The following SYTL2 variants were observed in gnomAD, a reference collection of about 807,000 sequenced individuals.
SYTL2 encodes the protein synaptotagmin-like protein 2.
Under a neutral mutation model 198.7 loss-of-function variants are expected in SYTL2, and 165 were observed. The observed-to-expected ratio is 0.83, with a 90% confidence interval of 0.73 to 0.94. The LOEUF (loss-of-function observed/expected upper bound fraction) is 0.94, where lower values mean the gene tolerates loss of function less well. Ranked by LOEUF, SYTL2 falls within the 40% of genes least tolerant of loss-of-function variation. The probability of loss-of-function intolerance (pLI) is 0.00; values close to 1 mark genes in which losing one functional copy is unlikely to be tolerated. For missense variants in SYTL2, 2,835 were observed against 2,582.8 expected (o/e 1.10, Z -2.12); for synonymous variants, 966 against 917.7 (o/e 1.05, Z -0.95).
At chr11:85,746,661 C>T (rs530583119) in intron 3 of SYTL2, among the ~76,000 whole-genome samples, 3 of 152,164 alleles carry the variant, frequency 2.0e-5, no homozygotes, top group Non-Finnish European at 2.9e-5. Flanking sequence ...AGTATCCCCC[C>T]ACAGGTCCTG....
chr11:85,755,843 A>G (rs538000136), intron 2 of SYTL2, among the ~76,000 whole-genome samples: 1 of 152,252 alleles, frequency 6.6e-6, no homozygotes, highest in East Asian at 1.9e-4. Flanking sequence ...ATTGCAGACC[A>G]TAAATAACAC....
At chr11:85,697,106 CT>C (rs1211859084) in intron 18 of SYTL2, among the ~76,000 whole-genome samples, 1 of 152,040 alleles carries the variant, frequency 6.6e-6, no homozygotes, top group African/African-American at 2.4e-5. Context: ...ATGAGGCTGA[CT>C]TGAGCCAAAA....
At chr11:85,749,730 G>GCTT (rs1435784041) in intron 2 of SYTL2, among the ~76,000 whole-genome samples, 1 of 152,190 alleles carries the variant, frequency 6.6e-6, no homozygotes, top group African/African-American at 2.4e-5. Flanking sequence ...GTTTGACACT[G>GCTT]CTTTCAACAC....
At chr11:85,781,943 G>A (rs2153602530) in intron 1 of SYTL2, among the ~76,000 whole-genome samples, 1 of 152,336 alleles carries the variant, frequency 6.6e-6, no homozygotes, top group Non-Finnish European at 1.5e-5. Context: ...GCAAGTGTTG[G>A]TGGATCTACC....
At chr11:85,811,670 C>G (rs2093035959), upstream of SYTL2, among the ~76,000 whole-genome samples, 1 of 152,102 alleles carries the variant, frequency 6.6e-6, no homozygotes, top group African/African-American at 2.4e-5. Context: ...TGAAGTGATG[C>G]TTTAAAATAC....
At chr11:85,815,275 C>A (rs1363997682), upstream of SYTL2, among the ~76,000 whole-genome samples, 1 of 152,110 alleles carries the variant, frequency 6.6e-6, no homozygotes, top group East Asian at 1.9e-4. Context: ...ACTTCTTAAC[C>A]ACCAGAAATT....
At chr11:85,844,885 T>A in the SYTL2 span, among the ~76,000 whole-genome samples, 2 of 152,288 alleles carry the variant, frequency 1.3e-5, no homozygotes, top group South Asian at 4.1e-4. Context: ...CCCGCCATGA[T>A]TTGTCCCTAC....
At chr11:85,754,940 A>T (rs192538095) in intron 2 of SYTL2, among the ~76,000 whole-genome samples, 1 of 152,310 alleles carries the variant, frequency 6.6e-6, no homozygotes, top group East Asian at 1.9e-4. Flanking sequence ...TTTGGCACTG[A>T]CTTAATGTGT....
chr11:85,749,789 T>C (rs2091401432), intron 2 of SYTL2, among the ~76,000 whole-genome samples: 1 of 152,232 alleles, frequency 6.6e-6, no homozygotes, highest in Non-Finnish European at 1.5e-5. Context: ...AACCTTTGCC[T>C]TCTCCTCCCA....
intron 5 of SYTL2, 49 bp downstream of exon 5, chr11:85,737,526 A>G (rs369142253): frequency 1.4e-6 from 2 of 1,448,282 alleles, no homozygotes; most frequent in Non-Finnish European, 1.9e-6. Context: ...ATGAGGAAAA[A>G]TGGCATTCCT....
intron 13 of SYTL2, among the ~76,000 whole-genome samples, chr11:85,710,535 C>T (rs79792948): frequency 0.017 from 2,574 of 152,308 alleles, 91 homozygotes; most frequent in African/African-American, 0.059. Flanking sequence ...TTTTTACATA[C>T]ATACTACATG....
At chr11:85,784,176 CA>C (rs1195645571) in intron 1 of SYTL2, among the ~76,000 whole-genome samples, 1 of 152,162 alleles carries the variant, frequency 6.6e-6, no homozygotes, top group East Asian at 1.9e-4. Context: ...GAGACCCTGA[CA>C]GAGGAGAAAA....
At chr11:85,742,973 T>A (rs1347830289) in intron 4 of SYTL2, among the ~76,000 whole-genome samples, 1 of 152,224 alleles carries the variant, frequency 6.6e-6, no homozygotes, top group African/African-American at 2.4e-5. Context: ...CAGCTGCCAA[T>A]GCTTGACTAC....
chr11:85,762,259 C>A (rs2092115793), intron 1 of SYTL2, among the ~76,000 whole-genome samples: 1 of 152,176 alleles, frequency 6.6e-6, no homozygotes, highest in African/African-American at 2.4e-5. Flanking sequence ...AGAATTTTGG[C>A]TACTACAGTG....
intron 5 of SYTL2, 90 bp from the exon 6 acceptor site, chr11:85,736,705 G>A: frequency 1.4e-6 from 1 of 711,758 alleles, no homozygotes; most frequent in Non-Finnish European, 2.4e-6. Flanking sequence ...AATTTTGATA[G>A]TTTTATCCCA....
the SYTL2 span, among the ~76,000 whole-genome samples, chr11:85,825,005 A>C: frequency 2.6e-5 from 4 of 152,156 alleles, no homozygotes; most frequent in African/African-American, 9.7e-5. Context: ...TCATTAGTGC[A>C]TTGCCCTGGG....
chr11:85,775,090 T>C (rs1173141048), intron 1 of SYTL2, among the ~76,000 whole-genome samples: 2 of 152,124 alleles, frequency 1.3e-5, no homozygotes, highest in African/African-American at 4.8e-5. Context: ...GGCAGACTAC[T>C]GGAGAAAAAT....
At chr11:85,845,079 A>G in the SYTL2 span, among the ~76,000 whole-genome samples, 159 of 152,162 alleles carry the variant, frequency 1.0e-3, no homozygotes, top group Non-Finnish European at 1.9e-3. Context: ...GCACATTGTC[A>G]AGTTCCTGCT....
At position 85,725,734 on chromosome 11, in the gene SYTL2, A is replaced by C; in HGVS notation, c.3624T>G (p.Ser1208=). The change falls in exon 8 of 20, where the codon TCT becomes TCG. Residue 1208 remains serine (S), a synonymous_variant. Coordinates refer to ENST00000359152, the MANE Select transcript of SYTL2 (RefSeq NM_206927.4). ...TVVHPKVKRN[S]LTASLDKLLK... ...GGAGTTTGTCTAGACTAGCAGTCAAAGAGTTCCGTTTAACCTTTGGATGAA... is the reference window on the plus strand; with the variant it reads ...GGAGTTTGTCTAGACTAGCAGTCAACGAGTTCCGTTTAACCTTTGGATGAA... 6.2e-7 allele frequency: 1 copy of C among 1,614,158 alleles called. No individual in the cohort carries two copies. The highest frequency in any genetic ancestry group is 8.5e-7 in the Non-Finnish European group (1 of 1,180,006).
Sources: gnomAD v4.1 joint callset for allele counts (sites outside exome capture counted in the v4.1 genomes callset) on GRCh38, gnomAD v4.1.1 for gene constraint, MANE v1.5 for transcripts, NCBI Gene and HGNC (gene_info 2026-07-23, HGNC 2026-07-21) for gene names.